ABTB3: variants seen among roughly 807,000 people sequenced by gnomAD.
ABTB3 encodes the protein ankyrin repeat- and BTB/POZ domain-containing protein 3.
At chr12:107,646,671 A>G in the ABTB3 span, among the ~76,000 whole-genome samples, 5 of 152,148 alleles carry the variant, frequency 3.3e-5, no homozygotes, top group East Asian at 9.7e-4. Context: ...TCAAACACAG[A>G]CAGGCGAGGA....
the ABTB3 span, among the ~76,000 whole-genome samples, chr12:107,419,987 G>A: frequency 6.6e-6 from 1 of 152,164 alleles, no homozygotes; most frequent in African/African-American, 2.4e-5. Flanking sequence ...AATGGTGGTG[G>A]AGGAGTCACT....
chr12:107,643,056 T>C, the ABTB3 span, among the ~76,000 whole-genome samples: 1 of 152,128 alleles, frequency 6.6e-6, no homozygotes, highest in Non-Finnish European at 1.5e-5. Flanking sequence ...GTAGTCCCCT[T>C]GATCCTGCCA....
chr12:107,435,286 T>G, the ABTB3 span, among the ~76,000 whole-genome samples: 1 of 152,220 alleles, frequency 6.6e-6, no homozygotes, highest in Non-Finnish European at 1.5e-5. Context: ...CAGCCCTGAC[T>G]TTAATCCACA....
the ABTB3 span, among the ~76,000 whole-genome samples, chr12:107,529,916 G>T: frequency 7.9e-5 from 12 of 152,216 alleles, no homozygotes; most frequent in Non-Finnish European, 1.6e-4. Flanking sequence ...ACTGTGAAAT[G>T]CAACAGAATT....
At chr12:107,656,497 C>T in the ABTB3 span, among the ~76,000 whole-genome samples, 6 of 152,182 alleles carry the variant, frequency 3.9e-5, no homozygotes, top group Non-Finnish European at 7.3e-5. Flanking sequence ...TCCAATAAAA[C>T]TTTATTTATA....
chr12:107,495,124 A>G, the ABTB3 span, among the ~76,000 whole-genome samples: 1 of 152,308 alleles, frequency 6.6e-6, no homozygotes, highest in South Asian at 2.1e-4. Flanking sequence ...ATCCACCCCA[A>G]CAGTATCCTC....
chr12:107,584,630 T>G, the ABTB3 span, among the ~76,000 whole-genome samples: 14,308 of 152,124 alleles, frequency 0.094, 751 homozygotes, highest in Middle Eastern at 0.12. Context: ...GTGGCTGGAG[T>G]GTCTGTGACT....
chr12:107,618,406 C>T, the ABTB3 span: 230 of 1,578,072 alleles, frequency 1.5e-4, no homozygotes, highest in Non-Finnish European at 1.9e-4. Flanking sequence ...CCACCACGGG[C>T]ACCATGGTGC....
At chr12:107,346,738 C>T in the ABTB3 span, among the ~76,000 whole-genome samples, 6 of 152,156 alleles carry the variant, frequency 3.9e-5, no homozygotes, top group South Asian at 2.1e-4. Context: ...GGATTACAGG[C>T]GTGAGCCACC....
the ABTB3 span, among the ~76,000 whole-genome samples, chr12:107,482,981 TTTCTTTCC>T: frequency 0.18 from 5,719 of 32,500 alleles, 159 homozygotes; most frequent in Middle Eastern, 0.29. Flanking sequence ...TCTTTCTTTC[TTTCTTTCC>T]TTCCTTCCTT....
At chr12:107,601,833 A>G in the ABTB3 span, among the ~76,000 whole-genome samples, 2 of 152,236 alleles carry the variant, frequency 1.3e-5, no homozygotes, top group Non-Finnish European at 2.9e-5. Context: ...TAGGAATGCT[A>G]TGTAAGTATT....
At chr12:107,483,758 C>T in the ABTB3 span, among the ~76,000 whole-genome samples, 1 of 152,192 alleles carries the variant, frequency 6.6e-6, no homozygotes, top group Non-Finnish European at 1.5e-5. Flanking sequence ...ACAATCATAG[C>T]TCACTGCAGC....
At chr12:107,495,386 C>A in the ABTB3 span, among the ~76,000 whole-genome samples, 1 of 152,214 alleles carries the variant, frequency 6.6e-6, no homozygotes, top group East Asian at 1.9e-4. Context: ...AGATTGTCCC[C>A]CAAGCCCCAG....
the ABTB3 span, among the ~76,000 whole-genome samples, chr12:107,444,302 C>A: frequency 5.3e-5 from 8 of 152,274 alleles, no homozygotes; most frequent in South Asian, 1.7e-3. Flanking sequence ...TAAGTTAGAA[C>A]CCAGGCTACA....
At chr12:107,497,238 C>A in the ABTB3 span, among the ~76,000 whole-genome samples, 2 of 138,144 alleles carry the variant, frequency 1.4e-5, 1 homozygote, top group Non-Finnish European at 3.3e-5. Flanking sequence ...CGCTCACCAC[C>A]ACCACCATCA....
chr12:107,596,093 G>A, the ABTB3 span, among the ~76,000 whole-genome samples: 2 of 152,156 alleles, frequency 1.3e-5, no homozygotes. Context: ...AGAATTTCTA[G>A]CACACTGTTT....
chr12:107,355,598 C>T, the ABTB3 span, among the ~76,000 whole-genome samples: 4 of 152,196 alleles, frequency 2.6e-5, no homozygotes, highest in Non-Finnish European at 4.4e-5. Context: ...CTTTCTATTA[C>T]AGGCTCAGGG....
the ABTB3 span, among the ~76,000 whole-genome samples, chr12:107,331,190 G>A: frequency 6.6e-6 from 1 of 152,158 alleles, no homozygotes; most frequent in Non-Finnish European, 1.5e-5. Flanking sequence ...TACTGGGAAC[G>A]TGGCACAGCC....
At chr12:107,446,373 G>A in the ABTB3 span, among the ~76,000 whole-genome samples, 886 of 152,274 alleles carry the variant, frequency 5.8e-3, 1 homozygote, top group Admixed American at 0.01. Context: ...GTTGAAGGGG[G>A]TGATGGTTTA....
Sources: gnomAD v4.1 joint callset for allele counts (sites outside exome capture counted in the v4.1 genomes callset) on GRCh38, gnomAD v4.1.1 for gene constraint, MANE v1.5 for transcripts, NCBI Gene and HGNC (gene_info 2026-07-23, HGNC 2026-07-21) for gene names.